Variants in RPH3A observed in about 807,000 individuals in gnomAD.
The protein encoded by RPH3A is rabphilin 3A.
A neutral mutation model predicts 102.2 loss-of-function variants in RPH3A; 48 were observed. That is an observed-to-expected ratio of 0.47 (90% CI 0.37 to 0.60). The LOEUF is 0.60. RPH3A is among the 20% of genes least tolerant of loss of function. The probability of loss-of-function intolerance (pLI) is 0.00; values close to 1 mark genes in which losing one functional copy is unlikely to be tolerated. For synonymous variants in RPH3A, 310 were observed against 324.3 expected (o/e 0.96, Z 0.47); for missense variants, 781 against 910.1 (o/e 0.86, Z 1.83).
chr12:112,868,288 G>A (rs1486576797), intron 7 of RPH3A, 142 bp from the exon 8 acceptor site: 2 of 794,824 alleles, frequency 2.5e-6, no homozygotes, highest in African/African-American at 1.7e-5. Flanking sequence ...ATTGTGCAGG[G>A]CTCTGTAGTA....
chr12:112,745,588 G>A lies in RPH3A; in HGVS notation c.-139-46555G>A, dbSNP rs1005900670. Among the ~76,000 whole-genome samples, 3 of 152,062 alleles carry A rather than the reference G, an allele frequency of 2.0e-5. No individual in the cohort carries two copies. The East Asian group carries it at 5.8e-4, about 29-fold the overall frequency. On this transcript the variant is annotated intron_variant, in intron 1 of 21. Transcript: ENST00000543106. ...ATCCATGTAAGCTGATTTCCCTCTGGTTGTTTTTGCCAGGTGAGCTATTGC... is the reference window on the plus strand; with the variant it reads ...ATCCATGTAAGCTGATTTCCCTCTGATTGTTTTTGCCAGGTGAGCTATTGC...
chr12:112,867,307 C>T (rs2042628375), intron 7 of RPH3A, among the ~76,000 whole-genome samples: 2 of 152,026 alleles, frequency 1.3e-5, no homozygotes, highest in South Asian at 2.1e-4. Flanking sequence ...TTCTTTCTCC[C>T]AGGCATCCTT....
chr12:112,713,051 C>CCTTCTCCTT (rs2040488059), intron 1 of RPH3A, among the ~76,000 whole-genome samples: 2 of 85,858 alleles, frequency 2.3e-5, no homozygotes, highest in Non-Finnish European at 4.1e-5. Flanking sequence ...TTCTTCTTCT[C>CCTTCTCCTT]CTTCTTCTTC....
intron 1 of RPH3A, among the ~76,000 whole-genome samples, chr12:112,711,915 C>A (rs1251352927): frequency 2.0e-5 from 3 of 152,168 alleles, no homozygotes; most frequent in African/African-American, 7.2e-5. Context: ...TCACTACAAC[C>A]TCTGCCTCCC....
intron 1 of RPH3A, among the ~76,000 whole-genome samples, chr12:112,615,563 C>T (rs548895015): frequency 1.3e-4 from 20 of 152,294 alleles, no homozygotes; most frequent in African/African-American, 2.2e-4. Flanking sequence ...CCTGTACCTC[C>T]GCTAGAGATC....
chr12:112,589,775 T>C (rs2039463970), intron 1 of RPH3A, among the ~76,000 whole-genome samples: 1 of 152,176 alleles, frequency 6.6e-6, no homozygotes, highest in African/African-American at 2.4e-5. Flanking sequence ...AGAAGATGCA[T>C]AATAAACATT....
Position 112,828,353 on chromosome 12 carries a change from G to A in RPH3A, c.35G>A (p.Arg12His), listed in dbSNP as rs139903605. The A allele has an allele frequency of 3.1e-5, 50 of 1,608,112 alleles. No individual in the cohort carries two copies. The highest frequency in any genetic ancestry group is 9.0e-5 in the East Asian group (4 of 44,346). ...ACCGTGTTCAGCAACAGTTCTAACC[G>A]TTGGATGTACCCCAGTGACCGGCCC... ...TDTVFSNSSN[R>H]WMYPSDRPLQ... The change falls in exon 3 of 22, where the codon CGT becomes CAT. Residue 12 changes from arginine (R) to histidine (H), a missense_variant. Arg to His is a conservative substitution (Grantham distance 29, BLOSUM62 0). Coordinates refer to ENST00000389385, the MANE Select transcript of RPH3A (RefSeq NM_001143854.2).
At position 112,837,925 on chromosome 12, in the gene RPH3A, C is replaced by T; in HGVS notation, c.83+1423C>T. ...TCCCTCCCTTCCTCCCTCCCTTCCT[C>T]TATTAATAAACACTTACCCCAAGTA... On this transcript the variant is annotated intron_variant, in intron 4 of 21. Transcript: ENST00000389385. The T allele has an allele frequency of 7.0e-6, 3 of 429,562 alleles. 1 individual carries two copies. The highest frequency in any genetic ancestry group is 3.4e-5 in the South Asian group (2 of 58,672). 26.6% of individuals were successfully genotyped at this position (429,562 alleles called of 1,614,324 possible). A position where few individuals can be genotyped will look rare whatever the true frequency, so the allele number is the denominator to read the frequency against.
At chr12:112,819,632 G>A (rs2041742099) in intron 2 of RPH3A, among the ~76,000 whole-genome samples, 1 of 152,176 alleles carries the variant, frequency 6.6e-6, no homozygotes, top group Non-Finnish European at 1.5e-5. Flanking sequence ...ATGATTCTCT[G>A]GGTTGGCAAT....
chr12:112,858,032 G>C (rs1030412857), intron 5 of RPH3A, among the ~76,000 whole-genome samples: 2 of 152,060 alleles, frequency 1.3e-5, no homozygotes, highest in African/African-American at 4.8e-5. Context: ...ACTTTGGGAG[G>C]CTTTGGTGGG....
chr12:112,694,306 A>G (rs1157657309), intron 1 of RPH3A, among the ~76,000 whole-genome samples: 1 of 152,088 alleles, frequency 6.6e-6, no homozygotes, highest in Non-Finnish European at 1.5e-5. Context: ...CAGCTGCTCC[A>G]CCTCTTAGCT....
intron 1 of RPH3A, among the ~76,000 whole-genome samples, chr12:112,609,503 C>T (rs1453597037): frequency 6.6e-6 from 1 of 152,144 alleles, no homozygotes; most frequent in Non-Finnish European, 1.5e-5. Flanking sequence ...CACCTCCTGC[C>T]TATTGTTTGG....
At chr12:112,596,389 G>C (rs987828962) in intron 1 of RPH3A, among the ~76,000 whole-genome samples, 1 of 152,184 alleles carries the variant, frequency 6.6e-6, no homozygotes, top group Non-Finnish European at 1.5e-5. Flanking sequence ...TTTGTGTATG[G>C]TGTAAGGTAG....
At position 112,725,769 on chromosome 12, in the gene RPH3A, G is replaced by GTTT. The variant is rs1253486117; in HGVS notation, c.-139-66372_-139-66371insTTT. Among the ~76,000 whole-genome samples, 3 of 19,740 alleles carry GTTT rather than the reference G, an allele frequency of 1.5e-4. No individual in the cohort carries two copies. In the Admixed American group the frequency reaches 2.6e-3, roughly 17 times the overall value. 13.0% of individuals were successfully genotyped at this position (19,740 alleles called of 152,430 possible). A position where few individuals can be genotyped will look rare whatever the true frequency, so the allele number is the denominator to read the frequency against. On this transcript the variant is annotated intron_variant, in intron 1 of 21. Transcript: ENST00000543106. The stretch of plus-strand genomic sequence containing the variant: ...TTTAGGGAAGATGAGTGTAGTTTTT[G>GTTT]TTGTTGTTGTTGTTGTTGTTGTTGT...
intron 1 of RPH3A, among the ~76,000 whole-genome samples, chr12:112,661,903 G>A (rs189359673): frequency 2.0e-5 from 3 of 152,120 alleles, no homozygotes; most frequent in African/African-American, 7.2e-5. Flanking sequence ...TTTTGGGTTG[G>A]TGGCCATCGC....
At chr12:112,581,575 A>C (rs1002328258) in intron 1 of RPH3A, among the ~76,000 whole-genome samples, 1 of 152,200 alleles carries the variant, frequency 6.6e-6, no homozygotes, top group Non-Finnish European at 1.5e-5. Flanking sequence ...GTAGCTTGGG[A>C]GGTAGCTAGA....
intron 1 of RPH3A, among the ~76,000 whole-genome samples, chr12:112,627,437 TATC>T (rs1818110260): frequency 6.7e-6 from 1 of 150,102 alleles, no homozygotes; most frequent in Non-Finnish European, 1.5e-5. Context: ...ACAATTGCAA[TATC>T]ATATGATTAC....
chr12:112,782,227 C>T (rs924359623), intron 1 of RPH3A, among the ~76,000 whole-genome samples: 6 of 152,248 alleles, frequency 3.9e-5, no homozygotes, highest in African/African-American at 1.4e-4. Context: ...GCTTGATTAC[C>T]TGCTAATGCA....
intron 3 of RPH3A, among the ~76,000 whole-genome samples, chr12:112,833,247 G>T (rs1437281489): frequency 6.6e-6 from 1 of 152,136 alleles, no homozygotes; most frequent in Non-Finnish European, 1.5e-5. Flanking sequence ...ACTATATAAA[G>T]GTATGCTGCT....
Sources: allele counts gnomAD v4.1 joint callset (sites outside exome capture counted in the v4.1 genomes callset), GRCh38; gene constraint gnomAD v4.1.1; transcripts MANE v1.5; gene names NCBI Gene and HGNC (gene_info 2026-07-23, HGNC 2026-07-21).